Variants in PRKCB observed in about 807,000 individuals in gnomAD.
PRKCB encodes the protein protein kinase C beta type.
A neutral mutation model predicts 81.5 loss-of-function variants in PRKCB; 13 were observed. The observed-to-expected ratio is 0.16, with a 90% CI of 0.10 to 0.25. PRKCB has a LOEUF of 0.25. PRKCB is among the 10% of genes least tolerant of loss of function. The probability of loss-of-function intolerance (pLI) is 1.00; values close to 1 mark genes in which losing one functional copy is unlikely to be tolerated. For missense variants in PRKCB, 509 were observed against 875.7 expected, an observed-to-expected ratio of 0.58 and a Z score of 5.29; for synonymous variants, 335 against 321.4, an observed-to-expected ratio of 1.04 and a Z score of -0.45.
At chr16:24,082,888 G>A (rs144571724) in intron 5 of PRKCB, among the ~76,000 whole-genome samples, 211 of 151,612 alleles carry the variant, frequency 1.4e-3, no homozygotes, top group East Asian at 0.014. Context: ...CTTTTATTTT[G>A]CAAGAAACAA....
chr16:24,105,694 A>G (rs1263706125), intron 7 of PRKCB, among the ~76,000 whole-genome samples: 1 of 152,210 alleles, frequency 6.6e-6, no homozygotes, highest in East Asian at 1.9e-4. Flanking sequence ...TGTCCCTGCA[A>G]AGGACATGAA....
intron 7 of PRKCB, among the ~76,000 whole-genome samples, chr16:24,108,281 TTA>T (rs149316935): frequency 0.092 from 8,062 of 87,338 alleles, 617 homozygotes; most frequent in African/African-American, 0.27. Flanking sequence ...TTTTATTTAT[TTA>T]TTTTTTTTAT....
rs1968287991 is a variant in PRKCB at position 24,219,581 on chromosome 16, T to C, written c.*4765T>C. On this transcript the variant is annotated 3_prime_UTR_variant, in exon 17 of 17. Coordinates refer to ENST00000643927, the MANE Select transcript of PRKCB (RefSeq NM_002738.7). ...TTCTCCAGGACGCTCTACCTAATGA[T>C]TATTTCTATAACATTAAGCATGGTA... 1 of 1,002,064 alleles carries C rather than the reference T, an allele frequency of 1.0e-6. No homozygotes were observed. Among genetic ancestry groups the C allele is most frequent in the Admixed American group, 5.7e-5 (1 of 17,662 alleles). 62.1% of individuals were successfully genotyped at this position (1,002,064 alleles called of 1,614,324 possible).
chr16:24,110,602 G>A (rs559023559), intron 7 of PRKCB, among the ~76,000 whole-genome samples: 1 of 143,000 alleles, frequency 7.0e-6, no homozygotes, highest in South Asian at 2.2e-4. Flanking sequence ...CTGCAGCCTT[G>A]ACCTTCTGGA....
At chr16:24,042,892 C>G (rs1965720521) in intron 5 of PRKCB, among the ~76,000 whole-genome samples, 1 of 152,120 alleles carries the variant, frequency 6.6e-6, no homozygotes, top group African/African-American at 2.4e-5. Flanking sequence ...CATGAGCCAC[C>G]ACACTCAGCT....
intron 3 of PRKCB, among the ~76,000 whole-genome samples, chr16:24,031,423 A>G (rs955424876): frequency 7.2e-5 from 11 of 152,146 alleles, no homozygotes; most frequent in Admixed American, 3.9e-4. Context: ...GGCTCAAGGA[A>G]GTATGCATTT....
chr16:23,896,803 T>C (rs544376986), intron 2 of PRKCB, among the ~76,000 whole-genome samples: 1 of 152,318 alleles, frequency 6.6e-6, no homozygotes, highest in East Asian at 1.9e-4. Context: ...GTGAAGTTAA[T>C]CTCTTATAGG....
intron 5 of PRKCB, among the ~76,000 whole-genome samples, chr16:24,053,616 C>T (rs1024510746): frequency 6.6e-6 from 1 of 152,102 alleles, no homozygotes; most frequent in African/African-American, 2.4e-5. Context: ...ACTGGACCTG[C>T]ACATTTAGAT....
chr16:23,922,978 C>T (rs12933794), intron 2 of PRKCB, among the ~76,000 whole-genome samples: 1 of 151,756 alleles, frequency 6.6e-6, no homozygotes, highest in African/African-American at 2.4e-5. Context: ...TTAGAGTTAC[C>T]TTTTTTTCCT....
At chr16:24,025,440 A>T (rs896712584) in intron 3 of PRKCB, among the ~76,000 whole-genome samples, 1 of 152,248 alleles carries the variant, frequency 6.6e-6, no homozygotes, top group African/African-American at 2.4e-5. Context: ...CCCTGGCATG[A>T]ATAAATGTTC....
At chr16:24,016,107 C>A (rs1421256895) in intron 3 of PRKCB, among the ~76,000 whole-genome samples, 1 of 152,044 alleles carries the variant, frequency 6.6e-6, no homozygotes, top group Non-Finnish European at 1.5e-5. Context: ...GGATAACTAC[C>A]GCTAGGGTTA....
intron 7 of PRKCB, among the ~76,000 whole-genome samples, chr16:24,095,915 A>G (rs1426537139): frequency 6.6e-6 from 1 of 152,202 alleles, no homozygotes. Flanking sequence ...CCTTAGCAGA[A>G]TTCAGGCTCC....
chr16:24,172,397 A>ATAAATGGG, intron 11 of PRKCB, 36 bp downstream of exon 11: 1 of 1,577,140 alleles, frequency 6.3e-7, no homozygotes, highest in South Asian at 1.1e-5. Context: ...TCTCCTTGGG[A>ATAAATGGG]TAAATGGGTA....
At chr16:23,854,464 T>A (rs531273117) in intron 2 of PRKCB, among the ~76,000 whole-genome samples, 1 of 152,276 alleles carries the variant, frequency 6.6e-6, no homozygotes, top group East Asian at 1.9e-4. Context: ...TGGCTGTTCT[T>A]GGCTGGGCTC....
intron 9 of PRKCB, chr16:24,151,810 C>T (rs1186756123): frequency 1.8e-5 from 8 of 455,878 alleles, no homozygotes; most frequent in East Asian, 6.9e-5. Flanking sequence ...TTAGCTGAAG[C>T]AAGTTAATCT....
chr16:24,172,204 C>G (rs1596581269), intron 10 of PRKCB, 66 bp from the exon 11 acceptor site: 3 of 1,168,048 alleles, frequency 2.6e-6, no homozygotes, highest in Admixed American at 1.8e-5. Flanking sequence ...AGCTCTTCCC[C>G]CACTGTCCAT....
In PRKCB at chr16:24,177,505, C is replaced by A. The variant is rs538561519; in HGVS notation, c.1394+2925C>A. On this transcript the variant is annotated intron_variant, in intron 12 of 16. Transcript: ENST00000643927. ...ATAAATAATGAAAATGACAGATACTCATTTCACAGCCCACCTGTAGCCAGG... is the reference window on the plus strand; with the variant it reads ...ATAAATAATGAAAATGACAGATACTAATTTCACAGCCCACCTGTAGCCAGG... Among the ~76,000 whole-genome samples, 4 of 152,284 alleles carry A rather than the reference C, an allele frequency of 2.6e-5. No individual in the cohort carries two copies. The South Asian group carries it at 8.3e-4, about 32-fold the overall frequency.
chr16:24,065,465 G>A (rs1243219849), intron 5 of PRKCB, among the ~76,000 whole-genome samples: 1 of 151,950 alleles, frequency 6.6e-6, no homozygotes, highest in Non-Finnish European at 1.5e-5. Context: ...AATGATCCTA[G>A]GTTCTTTAAC....
At chr16:24,108,322 T>A (rs1966605910) in intron 7 of PRKCB, among the ~76,000 whole-genome samples, 1 of 148,222 alleles carries the variant, frequency 6.7e-6, no homozygotes, top group African/African-American at 2.5e-5. Context: ...TGACTTTTTA[T>A]TTTTTATTTT....
Sources: gnomAD v4.1 joint callset for allele counts (sites outside exome capture counted in the v4.1 genomes callset) on GRCh38, gnomAD v4.1.1 for gene constraint, MANE v1.5 for transcripts, NCBI Gene and HGNC (gene_info 2026-07-23, HGNC 2026-07-21) for gene names.